Variants in GLIS3 observed in about 807,000 individuals in gnomAD.
GLIS3 encodes GLIS family zinc finger 3.
A neutral mutation model predicts 78.6 loss-of-function variants in GLIS3; 53 were observed. The observed-to-expected ratio is 0.67, with a 90% CI of 0.54 to 0.85. The LOEUF is 0.85. GLIS3 is among the 40% of genes least tolerant of loss of function. The pLI is 0.00. For synonymous variants in GLIS3, 684 were observed against 509.9 expected (o/e 1.34, Z -4.60); for missense variants, 1,703 against 1,231.1 (o/e 1.38, Z -5.74).
chr9:4,437,075 G>A, the GLIS3 span, among the ~76,000 whole-genome samples: 4 of 152,250 alleles, frequency 2.6e-5, no homozygotes, highest in East Asian at 1.9e-4. Flanking sequence ...CAGCATCAGG[G>A]TATGAGGAAA....
chr9:4,345,576 G>A (rs1412867862), intron 2 of GLIS3, among the ~76,000 whole-genome samples: 2 of 152,090 alleles, frequency 1.3e-5, no homozygotes, highest in African/African-American at 4.8e-5. Context: ...GAAGAAACAG[G>A]TTCCATGTAT....
the GLIS3 span, among the ~76,000 whole-genome samples, chr9:4,368,709 C>T: frequency 3.9e-5 from 6 of 152,174 alleles, no homozygotes; most frequent in African/African-American, 1.2e-4. Flanking sequence ...ATGACTTTGA[C>T]GAAGCCACTT....
chr9:4,352,329 A>G (rs1461248881), upstream of GLIS3, among the ~76,000 whole-genome samples: 1 of 152,248 alleles, frequency 6.6e-6, no homozygotes, highest in East Asian at 1.9e-4. Flanking sequence ...TATGACTACT[A>G]AAATTACACT....
At chr9:4,360,239 G>A in the GLIS3 span, among the ~76,000 whole-genome samples, 2 of 152,066 alleles carry the variant, frequency 1.3e-5, no homozygotes, top group South Asian at 4.2e-4. Context: ...TAACATCAAC[G>A]CGCTCTGTGT....
chr9:3,843,770 C>T (rs550116179), intron 9 of GLIS3, among the ~76,000 whole-genome samples: 1 of 152,238 alleles, frequency 6.6e-6, no homozygotes, highest in African/African-American at 2.4e-5. Context: ...ATTATTTGGC[C>T]AATTCAGATT....
At chr9:3,884,545 C>A (rs542786545) in intron 7 of GLIS3, among the ~76,000 whole-genome samples, 4 of 152,148 alleles carry the variant, frequency 2.6e-5, no homozygotes, top group Non-Finnish European at 5.9e-5. Context: ...GCTGAGGCTG[C>A]TGGTATGGAA....
At chr9:4,432,432 G>C in the GLIS3 span, among the ~76,000 whole-genome samples, 23 of 152,210 alleles carry the variant, frequency 1.5e-4, no homozygotes, top group Non-Finnish European at 1.9e-4. Flanking sequence ...ATGTAGTTCA[G>C]TTTGGCCATA....
chr9:4,440,977 A>C, the GLIS3 span, among the ~76,000 whole-genome samples: 1 of 151,204 alleles, frequency 6.6e-6, no homozygotes, highest in East Asian at 1.9e-4. Flanking sequence ...ATATAGGAAC[A>C]CTCCTGATTT....
chr9:4,196,496 C>T (rs559580448), intron 2 of GLIS3, among the ~76,000 whole-genome samples: 6 of 152,320 alleles, frequency 3.9e-5, no homozygotes, highest in African/African-American at 1.4e-4. Flanking sequence ...TGAGCTGTAA[C>T]CCTCACCATA....
intron 2 of GLIS3, among the ~76,000 whole-genome samples, chr9:4,189,345 G>T (rs1335399979): frequency 1.3e-5 from 2 of 152,178 alleles, no homozygotes; most frequent in East Asian, 3.8e-4. Context: ...TAGTTTGATT[G>T]CACTGTGGTC....
chr9:4,197,794 C>T (rs936970868), intron 2 of GLIS3, among the ~76,000 whole-genome samples: 1 of 152,188 alleles, frequency 6.6e-6, no homozygotes, highest in Non-Finnish European at 1.5e-5. Flanking sequence ...TCTGCGCCAT[C>T]TACTGGCTTG....
chr9:4,393,900 T>C, the GLIS3 span, among the ~76,000 whole-genome samples: 1 of 152,174 alleles, frequency 6.6e-6, no homozygotes, highest in Non-Finnish European at 1.5e-5. Flanking sequence ...GCCAGTAATA[T>C]AATGATCCTT....
intron 4 of GLIS3, among the ~76,000 whole-genome samples, chr9:4,097,783 C>T (rs1296161771): frequency 6.6e-6 from 1 of 152,082 alleles, no homozygotes; most frequent in Admixed American, 6.6e-5. Flanking sequence ...GAGATCATAT[C>T]CTAAGAACCC....
intron 9 of GLIS3, among the ~76,000 whole-genome samples, chr9:3,852,055 G>T (rs1229143394): frequency 3.3e-5 from 5 of 152,042 alleles, no homozygotes; most frequent in African/African-American, 4.8e-5. Flanking sequence ...TGAGGCAGGG[G>T]AATTGCTTGA....
intron 2 of GLIS3, among the ~76,000 whole-genome samples, chr9:4,192,396 A>C (rs1818407099): frequency 6.6e-6 from 1 of 152,240 alleles, no homozygotes; most frequent in African/African-American, 2.4e-5. Flanking sequence ...GACTAAGCTG[A>C]ATAGTTAAGC....
intron 7 of GLIS3, among the ~76,000 whole-genome samples, chr9:3,894,465 A>AAAC (rs555596942): frequency 1.6e-3 from 237 of 149,452 alleles, no homozygotes; most frequent in Middle Eastern, 0.01. Flanking sequence ...AGAATGTAGA[A>AAAC]AACATATTAA....
intron 2 of GLIS3, among the ~76,000 whole-genome samples, chr9:4,319,022 G>A (rs558493831): frequency 4.6e-5 from 7 of 152,088 alleles, no homozygotes; most frequent in East Asian, 1.9e-4. Flanking sequence ...CAATTGGAGG[G>A]GCATTCTGTA....
chr9:4,395,856 C>A, the GLIS3 span, among the ~76,000 whole-genome samples: 1 of 151,408 alleles, frequency 6.6e-6, no homozygotes, highest in South Asian at 2.1e-4. Flanking sequence ...TCACTGCAAC[C>A]TTCGACTCCC....
chr9:4,168,164 T>G (rs927943040), intron 2 of GLIS3, among the ~76,000 whole-genome samples: 11 of 152,026 alleles, frequency 7.2e-5, no homozygotes, highest in Non-Finnish European at 1.3e-4. Context: ...ATCTTCTCTC[T>G]CTTCTCTCTC....
Sources: gnomAD v4.1 joint callset for allele counts (sites outside exome capture counted in the v4.1 genomes callset) on GRCh38, gnomAD v4.1.1 for gene constraint, MANE v1.5 for transcripts, NCBI Gene and HGNC (gene_info 2026-07-23, HGNC 2026-07-21) for gene names.